RBM20: variants seen among roughly 807,000 people sequenced by gnomAD.
RBM20 encodes the protein RNA-binding protein 20.
A neutral mutation model predicts 110.1 loss-of-function variants in RBM20; 51 were observed. The ratio of observed to expected loss-of-function variants is 0.46; its 90% CI spans 0.37 to 0.59. The LOEUF (loss-of-function observed/expected upper bound fraction) is 0.59, where lower values mean the gene tolerates loss of function less well. RBM20 is among the 20% of genes least tolerant of loss of function. The probability of loss-of-function intolerance (pLI) is 0.00; values close to 1 mark genes in which losing one functional copy is unlikely to be tolerated. For missense variants in RBM20, 1,512 were observed against 1,574.9 expected, an observed-to-expected ratio of 0.96 and a Z score of 0.68; for synonymous variants, 589 against 618.2, an observed-to-expected ratio of 0.95 and a Z score of 0.70.
At chr10:110,795,983 G>A (rs767807611) in intron 5 of RBM20, among the ~76,000 whole-genome samples, 8 of 152,178 alleles carry the variant, frequency 5.3e-5, no homozygotes, top group Non-Finnish European at 1.0e-4. Context: ...TGAATACATT[G>A]GGATAAACCA....
At chr10:110,737,919 C>T (rs893119887) in intron 1 of RBM20, among the ~76,000 whole-genome samples, 1 of 152,076 alleles carries the variant, frequency 6.6e-6, no homozygotes, top group African/African-American at 2.4e-5. Context: ...AGGTATACAC[C>T]TGGGGTGGAA....
intron 1 of RBM20, among the ~76,000 whole-genome samples, chr10:110,765,643 T>C (rs1844070064): frequency 6.6e-6 from 1 of 152,128 alleles, no homozygotes; most frequent in African/African-American, 2.4e-5. Flanking sequence ...CATTTCTCTA[T>C]CTGATGCAAT....
intron 1 of RBM20, among the ~76,000 whole-genome samples, chr10:110,696,301 A>G (rs909831631): frequency 6.6e-6 from 1 of 152,196 alleles, no homozygotes; most frequent in Non-Finnish European, 1.5e-5. Context: ...CTTCTTACCC[A>G]GGACTCAGCT....
At chr10:110,672,752 A>T (rs1242443120) in intron 1 of RBM20, among the ~76,000 whole-genome samples, 1 of 152,196 alleles carries the variant, frequency 6.6e-6, no homozygotes, top group Admixed American at 6.5e-5. Context: ...TGTACCGTGG[A>T]CTTGTACTTG....
rs998984908 is a variant in RBM20, at chr10:110,710,056, G to GTA, written c.191+65413_191+65414dup. ...GCGTTCTGTTTTAGGCTTTCACCTA[G>GTA]TATTTCATATGAAGAAAGAGTTCAT... On this transcript the variant is annotated intron_variant, in intron 1 of 13. Coordinates refer to ENST00000369519, the MANE Select transcript of RBM20 (RefSeq NM_001134363.3). Among the ~76,000 whole-genome samples, 31 of 152,280 alleles carry GTA rather than the reference G, an allele frequency of 2.0e-4. 1 individual carries two copies. In the Middle Eastern group the frequency reaches 0.01, roughly 50 times the overall value.
At chr10:110,707,600 G>A (rs1862860979) in intron 1 of RBM20, among the ~76,000 whole-genome samples, 1 of 148,812 alleles carries the variant, frequency 6.7e-6, no homozygotes, top group South Asian at 2.1e-4. Flanking sequence ...CCTGCCATTT[G>A]CAATAACATG....
chr10:110,715,285 A>G (rs919659128), intron 1 of RBM20, among the ~76,000 whole-genome samples: 2 of 151,984 alleles, frequency 1.3e-5, no homozygotes, highest in South Asian at 4.2e-4. Flanking sequence ...CAAAGAAAAA[A>G]CCCATAATTT....
chr10:110,813,212 C>T (rs1008138473), intron 9 of RBM20, among the ~76,000 whole-genome samples: 38 of 152,160 alleles, frequency 2.5e-4, no homozygotes, highest in Admixed American at 1.6e-3. Flanking sequence ...TCCAAGAACA[C>T]ACGGTCAGGA....
At chr10:110,789,308 T>C (rs1380365255) in intron 5 of RBM20, among the ~76,000 whole-genome samples, 1 of 152,198 alleles carries the variant, frequency 6.6e-6, no homozygotes, top group African/African-American at 2.4e-5. Flanking sequence ...CATCTGCCAC[T>C]GCCACCAAGC....
chr10:110,770,410 A>G (rs1448087830), intron 1 of RBM20, among the ~76,000 whole-genome samples: 2 of 152,232 alleles, frequency 1.3e-5, no homozygotes, highest in Non-Finnish European at 2.9e-5. Flanking sequence ...GAAACCTTAA[A>G]TGTTGTCTCA....
chr10:110,710,149 A>G (rs954553896), intron 1 of RBM20, among the ~76,000 whole-genome samples: 2 of 152,102 alleles, frequency 1.3e-5, no homozygotes, highest in Non-Finnish European at 2.9e-5. Context: ...CTTAGTGTCC[A>G]AGGTCCCTTT....
chr10:110,745,404 C>T (rs1843768104), intron 1 of RBM20, among the ~76,000 whole-genome samples: 1 of 152,174 alleles, frequency 6.6e-6, no homozygotes, highest in Admixed American at 6.5e-5. Context: ...GGTTCTCCCC[C>T]TCCTCTGTGG....
At chr10:110,813,783 C>T (rs537646359) in intron 9 of RBM20, among the ~76,000 whole-genome samples, 23 of 148,058 alleles carry the variant, frequency 1.6e-4, no homozygotes, top group African/African-American at 5.7e-4. Flanking sequence ...TGCAGTGAGC[C>T]GAGATCATGT....
chr10:110,771,803 A>G (rs185907129), intron 1 of RBM20, among the ~76,000 whole-genome samples: 1 of 152,280 alleles, frequency 6.6e-6, no homozygotes, highest in East Asian at 1.9e-4. Context: ...CAAGGCATCA[A>G]TGCTTGTGTG....
At chr10:110,799,977 G>C (rs755653320) in intron 7 of RBM20, 59 bp downstream of exon 7, 1 of 1,489,312 alleles carries the variant, frequency 6.7e-7, no homozygotes, top group South Asian at 1.2e-5. Flanking sequence ...TTTCTCCTCC[G>C]TGTTAGGCAC....
At chr10:110,771,751 G>T (rs1172550800) in intron 1 of RBM20, among the ~76,000 whole-genome samples, 2 of 152,194 alleles carry the variant, frequency 1.3e-5, no homozygotes, top group Non-Finnish European at 2.9e-5. Flanking sequence ...AGGTGAAGGG[G>T]AGTAGGGAGG....
At chr10:110,712,916 C>A (rs552952354) in intron 1 of RBM20, among the ~76,000 whole-genome samples, 1 of 152,244 alleles carries the variant, frequency 6.6e-6, no homozygotes, top group African/African-American at 2.4e-5. Context: ...ATCTATTACA[C>A]CCTCTGTAGA....
intron 9 of RBM20, among the ~76,000 whole-genome samples, chr10:110,815,742 C>T (rs1012281992): frequency 6.6e-6 from 1 of 152,176 alleles, no homozygotes; most frequent in Non-Finnish European, 1.5e-5. Context: ...TAACATTGCT[C>T]ATTTAAGGTG....
intron 1 of RBM20, among the ~76,000 whole-genome samples, chr10:110,727,419 A>AAAAAATAAATAAAAAAAATAAAAAAAAT (rs377734576): frequency 6.8e-6 from 1 of 146,726 alleles, no homozygotes; most frequent in Non-Finnish European, 1.5e-5. Context: ...AAATAAAAAA[A>AAAAAATAAATAAAAAAAATAAAAAAAAT]AAATAAATAA....
Sources: allele counts gnomAD v4.1 joint callset (sites outside exome capture counted in the v4.1 genomes callset), GRCh38; gene constraint gnomAD v4.1.1; transcripts MANE v1.5; gene names NCBI Gene and HGNC (gene_info 2026-07-23, HGNC 2026-07-21).